NRG1: variants seen among roughly 807,000 people sequenced by gnomAD.
NRG1 encodes the protein neuregulin 1.
Under a neutral mutation model 63.8 loss-of-function variants are expected in NRG1, and 18 were observed. That is an observed-to-expected ratio of 0.28 (90% CI 0.19 to 0.42). The LOEUF (loss-of-function observed/expected upper bound fraction) is 0.42. NRG1 is among the 10% of genes least tolerant of loss of function. The pLI, the probability that NRG1 is intolerant of heterozygous loss-of-function variation, is 1.00. For synonymous variants in NRG1, 302 were observed against 301.3 expected, an observed-to-expected ratio of 1.00 and a Z score of -0.02; for missense variants, 762 against 814.7, an observed-to-expected ratio of 0.94 and a Z score of 0.79.
chr8:32,684,142 A>T (rs1407045309), intron 5 of NRG1, among the ~76,000 whole-genome samples: 1 of 152,130 alleles, frequency 6.6e-6, no homozygotes, highest in South Asian at 2.1e-4. Flanking sequence ...CTCCAGCCTG[A>T]ACAATACAGC....
rs117548380 is a variant in NRG1 at position 31,721,734 on chromosome 8, G to A, written c.37+82303G>A. 3.9e-3 allele frequency among the ~76,000 whole-genome samples: 588 copies of A among 152,218 alleles called. 1 individual carries two copies. Among genetic ancestry groups the A allele is most frequent in the South Asian group, 0.019 (92 of 4,830 alleles). ...GATGCTGTTTATTCTGGTGGGGTGT[G>A]TGTGAAACGCATGTTGCAGTTCCAT... is the stretch of plus-strand genomic sequence containing the variant. On this transcript the variant is annotated intron_variant, in intron 1 of 10. Transcript: ENST00000519301.
rs138678107 is a variant in NRG1 at position 32,096,083 on chromosome 8, A to T, written c.37+456652A>T. Among the ~76,000 whole-genome samples, 425 of 152,324 alleles carry T rather than the reference A, an allele frequency of 2.8e-3. 3 individuals are homozygous for T. The highest frequency in any genetic ancestry group is 9.8e-3 in the African/African-American group (406 of 41,576). On this transcript the variant is annotated intron_variant, in intron 1 of 10. Coordinates refer to the NRG1 transcript ENST00000519301. ...CAAATGCTCAGGTGTGAATGATTCCAGCTGTGGTAGCCAGAGTCTATGATG... is the reference window on the plus strand; with the variant it reads ...CAAATGCTCAGGTGTGAATGATTCCTGCTGTGGTAGCCAGAGTCTATGATG...
chr8:32,256,481 C>G (rs549165692), intron 1 of NRG1: 28 of 152,496 alleles, frequency 1.8e-4, no homozygotes, highest in African/African-American at 6.7e-4. Flanking sequence ...GAGGTCCACT[C>G]GAGACCCTGT....
intron 1 of NRG1, among the ~76,000 whole-genome samples, chr8:32,395,985 T>C (rs1412666084): frequency 6.6e-6 from 1 of 152,206 alleles, no homozygotes; most frequent in Non-Finnish European, 1.5e-5. Flanking sequence ...CAAAAGATAA[T>C]CTTTTTTATA....
At chr8:32,600,355 A>ACAC (rs1844126409) in intron 2 of NRG1, among the ~76,000 whole-genome samples, 1 of 143,772 alleles carries the variant, frequency 7.0e-6, no homozygotes, top group African/African-American at 2.6e-5. Flanking sequence ...CACACACACA[A>ACAC]ACACTGTCTA....
At chr8:31,934,096 T>C (rs1835086444) in intron 1 of NRG1, among the ~76,000 whole-genome samples, 2 of 152,078 alleles carry the variant, frequency 1.3e-5, no homozygotes, top group Non-Finnish European at 2.9e-5. Context: ...CATATGTGTG[T>C]GGGTACCTTC....
intron 1 of NRG1, among the ~76,000 whole-genome samples, chr8:31,731,880 T>C (rs939225049): frequency 7.2e-5 from 11 of 152,164 alleles, no homozygotes; most frequent in Non-Finnish European, 1.2e-4. Flanking sequence ...ATATGAGTCA[T>C]TTGACCCAAT....
chr8:32,143,439 C>T (rs1189237735), intron 1 of NRG1, among the ~76,000 whole-genome samples: 1 of 152,152 alleles, frequency 6.6e-6, no homozygotes, highest in African/African-American at 2.4e-5. Context: ...TTCCCCAGAC[C>T]ATGAGCTCCA....
intron 1 of NRG1, among the ~76,000 whole-genome samples, chr8:32,555,511 A>G (rs971127058): frequency 2.0e-5 from 3 of 152,078 alleles, no homozygotes; most frequent in African/African-American, 4.8e-5. Flanking sequence ...TCACTGTGTC[A>G]CCCAGGCTGG....
chr8:31,947,983 T>C (rs1000986703), intron 1 of NRG1, among the ~76,000 whole-genome samples: 4 of 148,298 alleles, frequency 2.7e-5, no homozygotes, highest in Non-Finnish European at 4.5e-5. Flanking sequence ...CTACTACTTA[T>C]CAAGGAATGT....
At chr8:32,598,306 C>T (rs1843708495) in intron 2 of NRG1, among the ~76,000 whole-genome samples, 1 of 151,986 alleles carries the variant, frequency 6.6e-6, no homozygotes, top group Non-Finnish European at 1.5e-5. Flanking sequence ...TGCAGATATT[C>T]AATCTGATGC....
intron 2 of NRG1, among the ~76,000 whole-genome samples, chr8:32,604,650 C>G (rs1466033693): frequency 6.6e-6 from 1 of 152,070 alleles, no homozygotes; most frequent in Non-Finnish European, 1.5e-5. Flanking sequence ...ACACTACAGC[C>G]TTGAATTCTT....
intron 7 of NRG1, among the ~76,000 whole-genome samples, chr8:32,748,358 CAGAGAGAGAGAGAGAGAGAG>C (rs34657847): frequency 8.2e-6 from 1 of 122,010 alleles, no homozygotes; most frequent in Middle Eastern, 4.7e-3. Flanking sequence ...CACACACACA[CAGAGAGAGAGAGAGAGAGAG>C]AGAGAGAGAG....
chr8:32,639,460 A>G (rs995451072), intron 5 of NRG1, among the ~76,000 whole-genome samples: 1 of 152,198 alleles, frequency 6.6e-6, no homozygotes, highest in East Asian at 1.9e-4. Context: ...GTTTAAAAGT[A>G]GAATACTTCA....
rs1251330115 is a variant in NRG1 at position 31,640,595 on chromosome 8, G to T, written c.37+1164G>T. On this transcript the variant is annotated intron_variant, in intron 1 of 10. Coordinates refer to the NRG1 transcript ENST00000519301. This position sits in a 1 kb window ranked among gnomAD's most constrained non-coding sequence, Gnocchi z 6.3. Reference sequence around the variant, plus strand: ...TGCGGGAGGCTCAAGGAGGACAGCAGGTACATCTTCTTCATGGAGCCCGAC... The same window carrying T: ...TGCGGGAGGCTCAAGGAGGACAGCATGTACATCTTCTTCATGGAGCCCGAC... 1 of 1,612,256 alleles carries T rather than the reference G, an allele frequency of 6.2e-7. No individual in the cohort carries two copies.
At chr8:32,614,697 T>C (rs1480819555) in intron 4 of NRG1, 133 bp downstream of exon 4, 1 of 808,236 alleles carries the variant, frequency 1.2e-6, no homozygotes, top group Non-Finnish European at 2.0e-6. Flanking sequence ...TCAATATTTT[T>C]CTCAACCTTG....
At chr8:31,999,302 T>C (rs1436173671) in intron 1 of NRG1, among the ~76,000 whole-genome samples, 1 of 152,020 alleles carries the variant, frequency 6.6e-6, no homozygotes. Context: ...TTTTTGTTTA[T>C]AATTCCTTCT....
intron 1 of NRG1, among the ~76,000 whole-genome samples, chr8:32,368,709 T>C (rs1808410044): frequency 6.6e-6 from 1 of 152,230 alleles, no homozygotes; most frequent in Non-Finnish European, 1.5e-5. Context: ...CCTTCTCTCA[T>C]TCTTCTTTGC....
At chr8:31,908,380 A>G (rs1040605551) in intron 1 of NRG1, among the ~76,000 whole-genome samples, 1 of 152,124 alleles carries the variant, frequency 6.6e-6, no homozygotes, top group Non-Finnish European at 1.5e-5. Context: ...AACTACATCA[A>G]TTATTTGAGG....
Sources: allele counts gnomAD v4.1 joint callset (sites outside exome capture counted in the v4.1 genomes callset), GRCh38; gene constraint gnomAD v4.1.1; non-coding constraint Gnocchi (gnomAD v3.1); transcripts MANE v1.5; gene names NCBI Gene and HGNC (gene_info 2026-07-23, HGNC 2026-07-21).